TJP2: variants seen among roughly 807,000 people sequenced by gnomAD.
TJP2 encodes the protein tight junction protein 2.
Under a neutral mutation model 133.1 loss-of-function variants are expected in TJP2, and 91 were observed. That is an observed-to-expected ratio of 0.68 (90% confidence interval 0.58 to 0.81). TJP2 has a LOEUF of 0.81. Ranked by LOEUF, TJP2 falls within the 40% of genes least tolerant of loss-of-function variation. The pLI is 0.00. For synonymous variants in TJP2, 592 were observed against 583.4 expected (o/e 1.01, Z -0.21); for missense variants, 1,541 against 1,565.6 (o/e 0.98, Z 0.26).
chr9:69,213,390 C>CT (rs1435539998), intron 2 of TJP2, among the ~76,000 whole-genome samples: 1 of 152,076 alleles, frequency 6.6e-6, no homozygotes, highest in African/African-American at 2.4e-5. Flanking sequence ...GTCAAGCTGC[C>CT]TTCCGGTCAT....
At chr9:69,211,957 A>G (rs755001102) in intron 1 of TJP2, among the ~76,000 whole-genome samples, 7 of 152,196 alleles carry the variant, frequency 4.6e-5, no homozygotes, top group Non-Finnish European at 2.9e-5. Context: ...TTTTAAAATG[A>G]TACCACCAGT....
At chr9:69,183,548 A>G (rs906741379) in intron 1 of TJP2, among the ~76,000 whole-genome samples, 2 of 152,162 alleles carry the variant, frequency 1.3e-5, no homozygotes, top group South Asian at 2.1e-4. Context: ...TTCCATTTAT[A>G]TGCATCTGTC....
intron 22 of TJP2, chr9:69,253,253 T>G: frequency 3.1e-6 from 1 of 321,450 alleles, no homozygotes. Flanking sequence ...CAGCCAAACT[T>G]CTTAATTCCT....
At chr9:69,157,586 C>T (rs914789758) in intron 2 of TJP2, among the ~76,000 whole-genome samples, 1 of 151,912 alleles carries the variant, frequency 6.6e-6, no homozygotes, top group Non-Finnish European at 1.5e-5. Flanking sequence ...CTGCCTCAGC[C>T]TCTTGAGTAG....
intron 18 of TJP2, among the ~76,000 whole-genome samples, chr9:69,247,324 C>T (rs1588152763): frequency 6.6e-6 from 1 of 152,300 alleles, no homozygotes; most frequent in African/African-American, 2.4e-5. Context: ...GGAGATAGCT[C>T]ACACACAGCT....
At chr9:69,225,227 A>G in intron 5 of TJP2, 77 bp from the exon 6 acceptor site, 1 of 922,854 alleles carries the variant, frequency 1.1e-6, no homozygotes. Context: ...ACATATTTTA[A>G]AATAGTCCTA....
intron 1 of TJP2, among the ~76,000 whole-genome samples, chr9:69,178,420 C>T (rs970505561): frequency 1.1e-4 from 17 of 152,162 alleles, no homozygotes; most frequent in African/African-American, 3.9e-4. Flanking sequence ...AAATTATCAA[C>T]TCTGGGAATG....
upstream of TJP2, chr9:69,121,336 G>A: frequency 1.0e-6 from 1 of 985,266 alleles, no homozygotes. Context: ...GGGCTCGCGC[G>A]CCCAGAACCC....
chr9:69,163,361 T>C (rs1265153847), intron 2 of TJP2, among the ~76,000 whole-genome samples: 4 of 151,750 alleles, frequency 2.6e-5, no homozygotes, highest in African/African-American at 7.3e-5. Context: ...TTTAGCTGAG[T>C]GCGGTGGCTC....
chr9:69,197,764 T>C (rs1055079525), intron 1 of TJP2, among the ~76,000 whole-genome samples: 2 of 152,222 alleles, frequency 1.3e-5, no homozygotes, highest in African/African-American at 4.8e-5. Context: ...CCAAGTGAAC[T>C]GTTCCAGATC....
intron 17 of TJP2, among the ~76,000 whole-genome samples, chr9:69,241,951 G>A (rs1830605090): frequency 6.6e-6 from 1 of 152,188 alleles, no homozygotes; most frequent in East Asian, 1.9e-4. Context: ...GATTATAAAT[G>A]AAGTTAAAAC....
In TJP2 at chr9:69,235,922, G is replaced by A. The variant is rs565216645; in HGVS notation, c.1781-106G>A. On this transcript the variant is annotated intron_variant, in intron 12 of 22. Transcript: ENST00000377245. ...CTCCCATAGGACTTGTGCACTGAAT[G>A]GAAGGAAGGTAAAGGGGAGATCAGA... 2.8e-6 allele frequency: 3 copies of A among 1,052,776 alleles called. No homozygotes were observed. The South Asian group carries it at 4.0e-5, about 14-fold the overall frequency. The allele number at this position is 1,052,776 out of a possible 1,614,324, so 65.2% of individuals were successfully genotyped here. A position where few individuals can be genotyped will look rare whatever the true frequency, so the allele number is the denominator to read the frequency against.
chr9:69,183,408 T>G (rs545575333), intron 1 of TJP2, among the ~76,000 whole-genome samples: 1 of 152,346 alleles, frequency 6.6e-6, no homozygotes, highest in African/African-American at 2.4e-5. Flanking sequence ...TGCTTGAACT[T>G]GGGAGAGGAC....
rs1829332610 is a variant in TJP2, at chr9:69,226,165, A to G, written c.1200A>G (p.Ser400=). The change falls in exon 7 of 23, where the codon TCA becomes TCG. Residue 400 remains serine, a synonymous_variant. Coordinates refer to ENST00000377245, the MANE Select transcript of TJP2 (RefSeq NM_004817.4). ...TCCCGTCATTAAATGACAGTGACTCAGAAATAGAAGGTAAAGGAAGAGGAG... is the reference window on the plus strand; with the variant it reads ...TCCCGTCATTAAATGACAGTGACTCGGAAATAGAAGGTAAAGGAAGAGGAG... ...INIPSLNDSD[S]EIEDISEIES... The G allele has an allele frequency of 6.2e-7, 1 of 1,614,156 alleles. No homozygotes were observed.
chr9:69,167,041 T>C (rs910468279), intron 2 of TJP2, among the ~76,000 whole-genome samples: 4 of 151,314 alleles, frequency 2.6e-5, no homozygotes, highest in Non-Finnish European at 4.4e-5. Context: ...AAAACCAGCC[T>C]GGCCAACATG....
chr9:69,167,846 C>G (rs899285455), intron 2 of TJP2, among the ~76,000 whole-genome samples: 1 of 130,302 alleles, frequency 7.7e-6, no homozygotes, highest in African/African-American at 2.9e-5. Flanking sequence ...CCAGCCTGGG[C>G]AAGAGAGCGA....
intron 1 of TJP2, chr9:69,204,830 A>G (rs1827271363): frequency 9.1e-7 from 1 of 1,094,090 alleles, no homozygotes; most frequent in Non-Finnish European, 1.1e-6. Context: ...CATTTACTCA[A>G]TTCTGTCAAC....
intron 1 of TJP2, among the ~76,000 whole-genome samples, chr9:69,196,185 A>G (rs891617398): frequency 6.6e-6 from 1 of 152,180 alleles, no homozygotes; most frequent in African/African-American, 2.4e-5. Context: ...TGGAAGGCAC[A>G]ATAGGTGTAT....
intron 18 of TJP2, among the ~76,000 whole-genome samples, chr9:69,247,061 A>G (rs1830978101): frequency 2.0e-5 from 3 of 152,246 alleles, no homozygotes; most frequent in Admixed American, 6.5e-5. Flanking sequence ...CACTAATCAG[A>G]GCTTACAAGA....
Sources: allele counts gnomAD v4.1 joint callset (sites outside exome capture counted in the v4.1 genomes callset), GRCh38; gene constraint gnomAD v4.1.1; transcripts MANE v1.5; gene names NCBI Gene and HGNC (gene_info 2026-07-23, HGNC 2026-07-21).